Variants in POC1A observed in about 807,000 individuals in gnomAD.
POC1A encodes the protein POC1 centriolar protein homolog A.
In POC1A, 34 loss-of-function variants were observed where a neutral mutation model predicts 47.8. The observed-to-expected ratio is 0.71, with a 90% CI of 0.54 to 0.95. POC1A has a LOEUF of 0.95. POC1A is among the 40% of genes least tolerant of loss of function. The probability of loss-of-function intolerance (pLI) is 0.00; values close to 1 mark genes in which losing one functional copy is unlikely to be tolerated. For missense variants in POC1A, 466 were observed against 528.3 expected (o/e 0.88, Z 1.16); for synonymous variants, 177 against 207.6 (o/e 0.85, Z 1.27).
At chr3:52,152,873 T>C (rs1476429019) in intron 1 of POC1A, among the ~76,000 whole-genome samples, 3 of 152,352 alleles carry the variant, frequency 2.0e-5, no homozygotes, top group East Asian at 1.9e-4. Flanking sequence ...TGGATGAACC[T>C]TGAAAACATG....
intron 10 of POC1A, among the ~76,000 whole-genome samples, chr3:52,077,160 A>C (rs1702141836): frequency 6.6e-6 from 1 of 152,164 alleles, no homozygotes. Flanking sequence ...CCAATGGATG[A>C]GCCCATGTGA....
intron 9 of POC1A, among the ~76,000 whole-genome samples, chr3:52,114,260 GA>G (rs913869110): frequency 2.0e-5 from 3 of 152,204 alleles, no homozygotes; most frequent in African/African-American, 7.2e-5. Flanking sequence ...CTCATACCAG[GA>G]AGGTGCCTAG....
At chr3:52,123,845 G>T (rs1162778680) in intron 8 of POC1A, among the ~76,000 whole-genome samples, 1 of 152,284 alleles carries the variant, frequency 6.6e-6, no homozygotes, top group Middle Eastern at 3.4e-3. Flanking sequence ...ATTCTACCAT[G>T]ACTCTATTTA....
chr3:52,117,310 G>A (rs766870124), intron 9 of POC1A, among the ~76,000 whole-genome samples: 3 of 152,112 alleles, frequency 2.0e-5, no homozygotes, highest in Non-Finnish European at 2.9e-5. Flanking sequence ...CCACAATTGC[G>A]CCACTGTAGT....
intron 10 of POC1A, among the ~76,000 whole-genome samples, chr3:52,095,382 G>A (rs1158350409): frequency 6.6e-6 from 1 of 152,134 alleles, no homozygotes; most frequent in Non-Finnish European, 1.5e-5. Flanking sequence ...ACACACCCTG[G>A]AAGAGCTTTT....
intron 7 of POC1A, among the ~76,000 whole-genome samples, chr3:52,135,533 T>G (rs903751740): frequency 2.6e-5 from 4 of 151,922 alleles, no homozygotes; most frequent in African/African-American, 9.7e-5. Flanking sequence ...ATGACAGGAG[T>G]GAGCTACCAC....
At chr3:52,096,892 C>A (rs1041698011) in intron 9 of POC1A, among the ~76,000 whole-genome samples, 180 bp from the exon 10 acceptor site, 5 of 152,244 alleles carry the variant, frequency 3.3e-5, no homozygotes, top group African/African-American at 1.2e-4. Flanking sequence ...CACACACATA[C>A]CTTTCCAGGC....
At chr3:52,126,493 C>A (rs1704007304) in intron 7 of POC1A, among the ~76,000 whole-genome samples, 1 of 152,252 alleles carries the variant, frequency 6.6e-6, no homozygotes, top group African/African-American at 2.4e-5. Context: ...AAGTACAACA[C>A]TGGTGAACAC....
chr3:52,118,465 T>C (rs1037276375), intron 9 of POC1A, among the ~76,000 whole-genome samples: 2 of 152,176 alleles, frequency 1.3e-5, no homozygotes, highest in Non-Finnish European at 2.9e-5. Flanking sequence ...TGAACAGAGC[T>C]CTATTCAGAG....
intron 1 of POC1A, among the ~76,000 whole-genome samples, chr3:52,154,081 G>A (rs1698643292): frequency 6.6e-6 from 1 of 152,264 alleles, no homozygotes; most frequent in Admixed American, 6.5e-5. Context: ...ACATGAGTCG[G>A]GACTTGGTCG....
At chr3:52,107,198 C>G (rs1703217260) in intron 9 of POC1A, among the ~76,000 whole-genome samples, 1 of 152,242 alleles carries the variant, frequency 6.6e-6, no homozygotes, top group African/African-American at 2.4e-5. Context: ...AAAACAACCC[C>G]AGCCTTTAGA....
chr3:52,094,505 C>T (rs1702744587), intron 10 of POC1A, among the ~76,000 whole-genome samples: 1 of 152,246 alleles, frequency 6.6e-6, no homozygotes, highest in Admixed American at 6.5e-5. Flanking sequence ...AAAGCCCCAT[C>T]TCCAGGAGAG....
chr3:52,078,965 G>C (rs1489860515), intron 10 of POC1A, among the ~76,000 whole-genome samples: 1 of 152,194 alleles, frequency 6.6e-6, no homozygotes, highest in Non-Finnish European at 1.5e-5. Context: ...CACCTGCAGG[G>C]AGTCTGTCTG....
intron 10 of POC1A, among the ~76,000 whole-genome samples, chr3:52,093,882 G>A (rs1039169030): frequency 1.3e-5 from 2 of 152,220 alleles, no homozygotes; most frequent in African/African-American, 2.4e-5. Context: ...GAACAGGAAG[G>A]CAGGCTTTGA....
Position 52,122,450 on chromosome 3 carries a change from T to C in POC1A, c.910A>G (p.Ile304Val). 1 of 1,611,990 alleles carries C rather than the reference T, an allele frequency of 6.2e-7. No homozygotes were observed. Among genetic ancestry groups the C allele is most frequent in the South Asian group, 1.1e-5 (1 of 91,044 alleles). The change falls in exon 9 of 11, where the codon ATT becomes GTT. Residue 304 changes from isoleucine (I) to valine (V), a missense_variant. By Grantham distance (29) the Ile-to-Val change is conservative. Coordinates refer to ENST00000296484, the MANE Select transcript of POC1A (RefSeq NM_015426.5). ...TTCGTGACTTCTCCATGATCAACAATATCAAAGTTACTCTTCCAAACCATC... is the reference window on the plus strand; with the variant it reads ...TTCGTGACTTCTCCATGATCAACAACATCAAAGTTACTCTTCCAAACCATC... ...QVMVWKSNFD[I>V]VDHGEVTKVP...
chr3:52,114,871 T>C (rs1409051947), intron 9 of POC1A, among the ~76,000 whole-genome samples: 1 of 152,216 alleles, frequency 6.6e-6, no homozygotes, highest in African/African-American at 2.4e-5. Flanking sequence ...GAAGAGGGTC[T>C]GCTTTGCCAT....
chr3:52,149,915 C>T lies in POC1A; in HGVS notation c.176G>A (p.Gly59Asp). Reference sequence around the variant, plus strand: ...CACACAGGTGACGGCATCCTTGTGGCCAGTGAAGCGGTAGGCGCGTGACTG... The same window carrying T: ...CACACAGGTGACGGCATCCTTGTGGTCAGTGAAGCGGTAGGCGCGTGACTG... ...KPQSRAYRFT[G>D]HKDAVTCVNF... The change falls in exon 3 of 11, where the codon GGC (glycine) becomes GAC (aspartate). Residue 59 changes from glycine (G) to aspartate (D), a missense_variant. Physicochemically the swap from Gly to Asp is moderately conservative, Grantham distance 94. Transcript: ENST00000296484. 11 of 1,613,920 alleles carry T rather than the reference C, an allele frequency of 6.8e-6. No individual in the cohort carries two copies. Among genetic ancestry groups the T allele is most frequent in the Non-Finnish European group, 9.3e-6 (11 of 1,180,004 alleles).
At position 52,125,009 on chromosome 3, in the gene POC1A, A is replaced by AT. The variant is rs1197891028; in HGVS notation, c.882+103_882+104insA. 42 of 859,084 alleles carry AT rather than the reference A, an allele frequency of 4.9e-5. No individual in the cohort carries two copies. In the East Asian group the frequency reaches 1.0e-3, roughly 21 times the overall value. The allele number at this position is 859,084 out of a possible 1,614,324, so 53.2% of individuals were successfully genotyped here. On this transcript the variant is annotated intron_variant, in intron 8 of 10. Transcript: ENST00000296484. The stretch of plus-strand genomic sequence containing the variant: ...TTTAGTCGCTGAAAGCCACCAAGGA[A>AT]GCTGGCGAAACCCAGCCCATCCCCC...
chr3:52,118,661 C>A (rs532695555), intron 9 of POC1A, among the ~76,000 whole-genome samples: 1 of 152,204 alleles, frequency 6.6e-6, no homozygotes, highest in East Asian at 1.9e-4. Flanking sequence ...CTCTGGCTTT[C>A]GACTGCTACG....
Sources: gnomAD v4.1 joint callset for allele counts (sites outside exome capture counted in the v4.1 genomes callset) on GRCh38, gnomAD v4.1.1 for gene constraint, MANE v1.5 for transcripts, NCBI Gene and HGNC (gene_info 2026-07-23, HGNC 2026-07-21) for gene names.